Variants in SGCZ observed in about 807,000 individuals in gnomAD.
SGCZ encodes zeta-sarcoglycan.
In SGCZ, 40 loss-of-function variants were observed where a neutral mutation model predicts 41.3. The observed-to-expected ratio is 0.97, with a 90% CI of 0.75 to 1.26. SGCZ has a LOEUF of 1.26. Among genes scored for constraint, SGCZ ranks in the 50% most tolerant of loss-of-function variants. The pLI is 0.00. For missense variants in SGCZ, 552 were observed against 369.8 expected, an observed-to-expected ratio of 1.49 and a Z score of -4.04; for synonymous variants, 206 against 137.5, an observed-to-expected ratio of 1.50 and a Z score of -3.49.
chr8:14,130,960 C>G (rs1163967185), intron 5 of SGCZ, among the ~76,000 whole-genome samples: 3 of 152,224 alleles, frequency 2.0e-5, no homozygotes, highest in East Asian at 3.9e-4. Flanking sequence ...CACAGCTAGT[C>G]CAGCCAATCC....
At chr8:14,494,033 C>G (rs1012123511) in intron 2 of SGCZ, among the ~76,000 whole-genome samples, 1 of 152,160 alleles carries the variant, frequency 6.6e-6, no homozygotes, top group Non-Finnish European at 1.5e-5. Context: ...CAATAATGTA[C>G]TACCCATTCA....
chr8:14,760,248 AG>A (rs1799818637), intron 1 of SGCZ, among the ~76,000 whole-genome samples: 1 of 152,222 alleles, frequency 6.6e-6, no homozygotes, highest in Admixed American at 6.5e-5. Flanking sequence ...ATCCCTTCGT[AG>A]CCTTTAACAA....
At chr8:15,000,309 T>C (rs1338428346) in intron 1 of SGCZ, among the ~76,000 whole-genome samples, 1 of 152,160 alleles carries the variant, frequency 6.6e-6, no homozygotes, top group Non-Finnish European at 1.5e-5. Context: ...ATGGCAACCC[T>C]AGCAAACTTT....
intron 1 of SGCZ, among the ~76,000 whole-genome samples, chr8:14,862,581 T>TATATACAC (rs775585451): frequency 2.1e-5 from 2 of 96,950 alleles, no homozygotes; most frequent in Non-Finnish European, 4.2e-5. Context: ...TATATATATA[T>TATATACAC]ACACACACAA....
chr8:14,784,397 G>C (rs767128027), intron 1 of SGCZ, among the ~76,000 whole-genome samples: 7 of 89,848 alleles, frequency 7.8e-5, no homozygotes, highest in African/African-American at 3.0e-4. Flanking sequence ...TTGATTTCAT[G>C]TCACATATAT....
intron 1 of SGCZ, among the ~76,000 whole-genome samples, chr8:14,760,079 G>T (rs1387671169): frequency 6.6e-6 from 1 of 152,132 alleles, no homozygotes; most frequent in Non-Finnish European, 1.5e-5. Flanking sequence ...CCCGCCCCAT[G>T]ATGAGCACTG....
At chr8:14,361,298 T>A (rs1803503599) in intron 2 of SGCZ, among the ~76,000 whole-genome samples, 1 of 152,202 alleles carries the variant, frequency 6.6e-6, no homozygotes, top group Non-Finnish European at 1.5e-5. Flanking sequence ...GGTTCCATTC[T>A]CCCCATCACT....
intron 1 of SGCZ, among the ~76,000 whole-genome samples, chr8:15,221,436 G>A (rs1168359321): frequency 6.6e-5 from 10 of 152,092 alleles, no homozygotes; most frequent in African/African-American, 2.4e-4. Flanking sequence ...TTCAGCAGCA[G>A]GTGGCCACAG....
At chr8:14,968,378 T>C (rs1801186490) in intron 1 of SGCZ, among the ~76,000 whole-genome samples, 1 of 152,044 alleles carries the variant, frequency 6.6e-6, no homozygotes, top group Non-Finnish European at 1.5e-5. Context: ...AGAGCAGACA[T>C]AGAAGGAAAA....
intron 2 of SGCZ, among the ~76,000 whole-genome samples, chr8:14,411,303 T>C (rs1268764241): frequency 6.6e-6 from 1 of 152,118 alleles, no homozygotes; most frequent in Admixed American, 6.6e-5. Flanking sequence ...AACGTAAAAG[T>C]TTTTACATAA....
chr8:14,649,272 A>G (rs4831630), intron 1 of SGCZ, among the ~76,000 whole-genome samples: 30,587 of 152,100 alleles, frequency 0.2, 3,797 homozygotes, highest in Non-Finnish European at 0.29. Context: ...AGGTAGAAAT[A>G]CGCTCACTGT....
intron 1 of SGCZ, among the ~76,000 whole-genome samples, chr8:15,057,513 T>C (rs1299112019): frequency 6.6e-6 from 1 of 152,156 alleles, no homozygotes; most frequent in African/African-American, 2.4e-5. Flanking sequence ...AATTTATCAA[T>C]ATATATTATT....
intron 4 of SGCZ, among the ~76,000 whole-genome samples, chr8:14,174,577 G>C (rs1190148777): frequency 6.6e-6 from 1 of 152,000 alleles, no homozygotes. Context: ...CCCCACCTAA[G>C]CGCATCTTAG....
Position 14,146,881 on chromosome 8 carries a change from A to AAAAT in SGCZ, c.547+17698_547+17699insATTT, listed in dbSNP as rs1554467191. Among the ~76,000 whole-genome samples, 4 of 139,698 alleles carry AAAAT rather than the reference A, an allele frequency of 2.9e-5. 1 individual carries two copies. Among genetic ancestry groups the AAAAT allele is most frequent in the African/African-American group, 1.2e-4 (4 of 33,756 alleles). 91.6% of individuals were successfully genotyped at this position (139,698 alleles called of 152,430 possible). The stretch of plus-strand genomic sequence containing the variant: ...AGCGAGACTCCGTCTCAAAAAATAA[A>AAAAT]AATAAAAAAAATAATAATAATAATA... On this transcript the variant is annotated intron_variant, in intron 5 of 7. Transcript: ENST00000382080.
At chr8:14,284,020 C>T (rs948834047) in intron 3 of SGCZ, among the ~76,000 whole-genome samples, 3 of 152,058 alleles carry the variant, frequency 2.0e-5, no homozygotes, top group Non-Finnish European at 4.4e-5. Context: ...TTTAAGATTT[C>T]TTAATCTTTC....
chr8:14,918,390 A>T (rs2130787291), intron 1 of SGCZ, among the ~76,000 whole-genome samples: 1 of 151,812 alleles, frequency 6.6e-6, no homozygotes, highest in East Asian at 1.9e-4. Context: ...TTCTGGGGTA[A>T]TTTTCTCGGG....
At chr8:15,105,881 A>G (rs1365698857) in intron 1 of SGCZ, among the ~76,000 whole-genome samples, 1 of 152,158 alleles carries the variant, frequency 6.6e-6, no homozygotes, top group Admixed American at 6.5e-5. Context: ...ACAAGCATAT[A>G]GCAACAACAG....
intron 1 of SGCZ, among the ~76,000 whole-genome samples, chr8:14,588,657 G>A (rs1275318940): frequency 6.6e-6 from 1 of 152,056 alleles, no homozygotes; most frequent in Non-Finnish European, 1.5e-5. Flanking sequence ...AAATAAAAAC[G>A]TTAGGAAGGG....
At chr8:14,352,766 T>C (rs772456304) in intron 2 of SGCZ, among the ~76,000 whole-genome samples, 39 of 152,074 alleles carry the variant, frequency 2.6e-4, no homozygotes, top group Admixed American at 5.3e-4. Context: ...ACATTGCTGA[T>C]ATCTGTCCAT....
Sources: gnomAD v4.1 joint callset for allele counts (sites outside exome capture counted in the v4.1 genomes callset) on GRCh38, gnomAD v4.1.1 for gene constraint, MANE v1.5 for transcripts, NCBI Gene and HGNC (gene_info 2026-07-23, HGNC 2026-07-21) for gene names.